The following STK11 variants were observed in gnomAD, a reference collection of about 807,000 sequenced individuals.
STK11 encodes serine/threonine-protein kinase STK11.
STK11 carries 8 observed loss-of-function variants against 47.3 expected under a neutral mutation model. The observed-to-expected ratio is 0.17, with a 90% confidence interval of 0.10 to 0.31. The LOEUF is 0.31. Ranked by LOEUF, STK11 falls within the 10% of genes least tolerant of loss-of-function variation. STK11 has a pLI of 1.00. For synonymous variants in STK11, 330 were observed against 255.8 expected (o/e 1.29, Z -2.77); for missense variants, 475 against 605.0 (o/e 0.79, Z 2.25).
In STK11 at chr19:1,218,506, C is replaced by G; in HGVS notation, c.374+6C>G. 1 of 1,613,056 alleles carries G rather than the reference C, an allele frequency of 6.2e-7. No homozygotes were observed. Among genetic ancestry groups the G allele is most frequent in the Non-Finnish European group, 8.5e-7 (1 of 1,179,546 alleles). ...AACGAAGAGAAGCAGAAAATATATC[C>G]TTTCCGGTGTTGGGACCGCGGGGCC... On this transcript the variant is annotated splice_donor_region_variant and intron_variant, in intron 2 of 9. Transcript: ENST00000326873.
At chr19:1,222,240 C>T (rs978123319) in intron 7 of STK11, among the ~76,000 whole-genome samples, 2 of 152,224 alleles carry the variant, frequency 1.3e-5, no homozygotes, top group African/African-American at 2.4e-5. Context: ...GACATGCGTC[C>T]GTCCCTGCCC....
In STK11 at chr19:1,224,913, C is replaced by T. The variant is rs1024109266; in HGVS notation, c.1109-1541C>T. 8 of 985,636 alleles carry T rather than the reference C, an allele frequency of 8.1e-6. No homozygotes were observed. The African/African-American group carries it at 1.4e-4, about 17-fold the overall frequency. 61.1% of individuals were successfully genotyped at this position (985,636 alleles called of 1,614,324 possible). A position where few individuals can be genotyped will look rare whatever the true frequency, so the allele number is the denominator to read the frequency against. On this transcript the variant is annotated intron_variant, in intron 8 of 9. Coordinates refer to ENST00000326873, the MANE Select transcript of STK11 (RefSeq NM_000455.5). ...TCAGGCTTCAGCGTGAGCCCCGTCC[C>T]TGACCTGCAGAGCCCCCTTGCGTTG... is the stretch of plus-strand genomic sequence containing the variant.
intron 8 of STK11, among the ~76,000 whole-genome samples, chr19:1,223,440 A>G (rs1477766030): frequency 5.9e-5 from 9 of 152,176 alleles, no homozygotes; most frequent in African/African-American, 2.2e-4. Flanking sequence ...CTGCCCAGCC[A>G]GGCACCACCC....
chr19:1,218,458 T>C lies in STK11; in HGVS notation c.332T>C (p.Ile111Thr). The C allele has an allele frequency of 6.2e-7, 1 of 1,613,666 alleles. No homozygotes were observed. The highest frequency in any genetic ancestry group is 8.5e-7 in the Non-Finnish European group (1 of 1,179,808). The part of the protein sequence containing the change: ...LLRRLRHKNV[I>T]QLVDVLYNEE... ...AGGAGGTTACGGCACAAAAATGTCA[T>C]CCAGCTGGTGGATGTGTTATACAAC... Residue 111 changes from isoleucine (I) to threonine (T), a missense_variant, in exon 2 of 10, where the codon ATC (isoleucine) becomes ACC (threonine). By Grantham distance (89) the Ile-to-Thr change is moderately conservative. This residue lies in a region of STK11 where 46 missense variants were observed against 45.5 expected (regional missense o/e 1.01). Coordinates refer to ENST00000326873, the MANE Select transcript of STK11 (RefSeq NM_000455.5).
chr19:1,212,420 C>G (rs1246743416), intron 1 of STK11, among the ~76,000 whole-genome samples: 1 of 151,620 alleles, frequency 6.6e-6, no homozygotes, highest in Non-Finnish European at 1.5e-5. Context: ...CCACCACACC[C>G]GACTAGTTTT....
At position 1,221,213 on chromosome 19, in the gene STK11, C is replaced by G. The variant is rs773147894; in HGVS notation, c.735C>G (p.Leu245=). The G allele has an allele frequency of 1.2e-5, 20 of 1,612,126 alleles. No individual in the cohort carries two copies. The East Asian group carries it at 3.3e-4, about 27-fold the overall frequency. ...TTTCTTCCCTCCCCTCGAAATGAAG[C>G]TACAACATCACCACGGGTCTGTACC... ...KVDIWSAGVT[L]YNITTGLYPF... is the part of the protein sequence containing the mutation. The change falls in exon 6 of 10, where the codon CTC becomes CTG. Residue 245 remains leucine, a splice_region_variant and synonymous_variant. Transcript: ENST00000326873.
chr19:1,210,523 C>T lies in STK11; in HGVS notation c.290+3320C>T, dbSNP rs147103487. 2.3e-3 allele frequency among the ~76,000 whole-genome samples: 357 copies of T among 152,206 alleles called. 3 individuals are homozygous for T. The highest frequency in any genetic ancestry group is 8.1e-3 in the African/African-American group (338 of 41,532). ...AGTCCATGCCTTGTCCCGCTCTCAC[C>T]GGCAAAAAGTATAATCTTATTAGAA... is the stretch of plus-strand genomic sequence containing the variant. On this transcript the variant is annotated intron_variant, in intron 1 of 9. Transcript: ENST00000326873.
intron 1 of STK11, among the ~76,000 whole-genome samples, chr19:1,211,465 G>C (rs972415136): frequency 2.0e-4 from 31 of 152,074 alleles, no homozygotes; most frequent in African/African-American, 5.8e-4. Context: ...GGTTCTGGGG[G>C]GGGGGGTGCA....
chr19:1,215,697 G>GC (rs1184438954), intron 1 of STK11, among the ~76,000 whole-genome samples: 2 of 152,194 alleles, frequency 1.3e-5, no homozygotes, highest in Non-Finnish European at 2.9e-5. Flanking sequence ...GCAGCCCTGA[G>GC]CTGGGGGTGG....
chr19:1,223,780 C>A lies in STK11; in HGVS notation c.1108+608C>A, dbSNP rs542998747. 2.2e-5 allele frequency: 23 copies of A among 1,037,294 alleles called. No homozygotes were observed. The East Asian group carries it at 1.2e-3, about 55-fold the overall frequency. 64.3% of individuals were successfully genotyped at this position (1,037,294 alleles called of 1,614,324 possible). ...GGAGCTCAGGGCCTTAGCGTAGGGG[C>A]GGCCCACATTGGCAGCCAGCCCCTC... On this transcript the variant is annotated intron_variant, in intron 8 of 9. Coordinates refer to ENST00000326873, the MANE Select transcript of STK11 (RefSeq NM_000455.5).
intron 1 of STK11, among the ~76,000 whole-genome samples, chr19:1,214,856 G>T (rs867608920): frequency 2.6e-5 from 4 of 152,220 alleles, no homozygotes; most frequent in African/African-American, 9.6e-5. Flanking sequence ...GCCGGTAGCC[G>T]GCTCCTGCTG....
intron 8 of STK11, chr19:1,223,982 A>ACCC: frequency 9.9e-7 from 1 of 1,009,028 alleles, no homozygotes; most frequent in Non-Finnish European, 1.2e-6. Flanking sequence ...GAAGGGGGGT[A>ACCC]CGCCAGGCAG....
intron 1 of STK11, among the ~76,000 whole-genome samples, chr19:1,214,301 G>C (rs1466482436): frequency 2.6e-5 from 4 of 152,188 alleles, no homozygotes; most frequent in African/African-American, 9.7e-5. Context: ...GGCATAAATC[G>C]GGGGACGCAC....
intron 2 of STK11, among the ~76,000 whole-genome samples, chr19:1,219,094 G>A (rs919043903): frequency 6.6e-6 from 1 of 152,052 alleles, no homozygotes; most frequent in Non-Finnish European, 1.5e-5. Context: ...CCGCAGGAAC[G>A]CTGCCCCAAG....
intron 3 of STK11, among the ~76,000 whole-genome samples, chr19:1,219,839 C>T (rs562407760): frequency 3.9e-5 from 6 of 152,220 alleles, no homozygotes; most frequent in Non-Finnish European, 8.8e-5. Context: ...GCTACCACGC[C>T]CGGCCTTGTA....
At chr19:1,227,551 G>A (rs2080834484) in intron 9 of STK11, 42 bp from the exon 10 acceptor site, 3 of 1,062,514 alleles carry the variant, frequency 2.8e-6, no homozygotes, top group African/African-American at 1.6e-5. Flanking sequence ...GCGGAGAACC[G>A]GTGCCCAGGC....
rs1057520799 is a variant in STK11, at chr19:1,226,439, C to A, written c.1109-15C>A. ...CGCCCCTCAGCTCAGGCCACACTTGCCGTCTCCCTCCCAGGACAGGTCCCA... is the reference window on the plus strand; with the variant it reads ...CGCCCCTCAGCTCAGGCCACACTTGACGTCTCCCTCCCAGGACAGGTCCCA... On this transcript the variant is annotated splice_polypyrimidine_tract_variant and intron_variant, in intron 8 of 9. Transcript: ENST00000326873. 9 of 1,607,564 alleles carry A rather than the reference C, an allele frequency of 5.6e-6. No homozygotes were observed. Among genetic ancestry groups the A allele is most frequent in the Non-Finnish European group, 6.8e-6 (8 of 1,177,956 alleles).
At chr19:1,210,058 C>T (rs1428555902) in intron 1 of STK11, among the ~76,000 whole-genome samples, 1 of 152,170 alleles carries the variant, frequency 6.6e-6, no homozygotes, top group Non-Finnish European at 1.5e-5. Flanking sequence ...AGCCCTGTCC[C>T]TTCCTGGTCA....
rs561818770 is a variant in STK11 at position 1,206,721 on chromosome 19, C to G, written c.-193C>G. On this transcript the variant is annotated 5_prime_UTR_variant, in exon 1 of 10. Coordinates refer to ENST00000326873, the MANE Select transcript of STK11 (RefSeq NM_000455.5). ...AGACCCTGCACCGGGCTTGGACTCG[C>G]AGCCGGGACTGACGTGTAGAACAAT... is the stretch of plus-strand genomic sequence containing the variant. 112 of 793,316 alleles carry G rather than the reference C, an allele frequency of 1.4e-4. No individual in the cohort carries two copies. Among genetic ancestry groups the G allele is most frequent in the Admixed American group, 3.7e-4 (12 of 32,566 alleles). The allele number at this position is 793,316 out of a possible 1,614,324, so 49.1% of individuals were successfully genotyped here.
Sources: allele counts gnomAD v4.1 joint callset (sites outside exome capture counted in the v4.1 genomes callset), GRCh38; gene constraint gnomAD v4.1.1; regional missense constraint gnomAD v4.1.1; transcripts MANE v1.5; gene names NCBI Gene and HGNC (gene_info 2026-07-23, HGNC 2026-07-21).